PFDN2: variants seen among roughly 807,000 people sequenced by gnomAD.
The protein encoded by PFDN2 is prefoldin subunit 2, also known as prefoldin 2.
PFDN2 carries 7 observed loss-of-function variants against 18.3 expected under a neutral mutation model. The ratio of observed to expected loss-of-function variants is 0.38; its 90% CI spans 0.22 to 0.72. The LOEUF is 0.72. Ranked by LOEUF, PFDN2 falls within the 30% of genes least tolerant of loss-of-function variation. The pLI is 0.47. For missense variants in PFDN2, 181 were observed against 199.1 expected (o/e 0.91, Z 0.55); for synonymous variants, 76 against 75.0 (o/e 1.01, Z -0.07).
chr1:161,114,698 G>A (rs896767426), intron 1 of PFDN2, among the ~76,000 whole-genome samples: 5 of 152,174 alleles, frequency 3.3e-5, no homozygotes, highest in Non-Finnish European at 5.9e-5. Context: ...GGGAGGCCAA[G>A]ATGTAACTCA....
chr1:161,101,892 C>T (rs1255019189), intron 3 of PFDN2, among the ~76,000 whole-genome samples, 156 bp downstream of exon 3: 2 of 152,170 alleles, frequency 1.3e-5, no homozygotes, highest in African/African-American at 2.4e-5. Flanking sequence ...CCACCATACC[C>T]AGCTAATCTT....
At chr1:161,102,260 C>T in intron 2 of PFDN2, 27 bp downstream of exon 2, 2 of 1,612,556 alleles carry the variant, frequency 1.2e-6, no homozygotes, top group Admixed American at 1.7e-5. Flanking sequence ...AACTGTCCTA[C>T]TGTTTGCCTC....
In PFDN2 at chr1:161,103,656, G is replaced by A. The variant is rs1437298214; in HGVS notation, c.76-1281C>T. ...GCTGAGATCACGCTACCACACTACAGCCTGGCAACAGAGCAAGACTCCGTC... is the reference window on the plus strand; with the variant it reads ...GCTGAGATCACGCTACCACACTACAACCTGGCAACAGAGCAAGACTCCGTC... On this transcript the variant is annotated intron_variant, in intron 1 of 3. Transcript: ENST00000368010. Among the ~76,000 whole-genome samples the A allele has an allele frequency of 1.7e-5, 2 of 117,780 alleles. 1 individual carries two copies. The highest frequency in any genetic ancestry group is 6.8e-5 in the African/African-American group (2 of 29,256). The allele number at this position is 117,780 out of a possible 152,430, so 77.3% of individuals were successfully genotyped here. A position where few individuals can be genotyped will look rare whatever the true frequency, so the allele number is the denominator to read the frequency against.
At position 161,100,578 on chromosome 1, in the gene PFDN2, A is replaced by T; in HGVS notation, c.*105T>A. On this transcript the variant is annotated 3_prime_UTR_variant, in exon 4 of 4. Coordinates refer to ENST00000368010, the MANE Select transcript of PFDN2 (RefSeq NM_012394.4). ...AGCTAAGATTCTGACCAAAACATTT[A>T]ATTAACAAAAAAATATTACAATAGC... is the stretch of plus-strand genomic sequence containing the variant. The T allele has an allele frequency of 1.1e-6, 1 of 921,348 alleles. No homozygotes were observed. Among genetic ancestry groups the T allele is most frequent in the Non-Finnish European group, 1.6e-6 (1 of 628,940 alleles). The allele number at this position is 921,348 out of a possible 1,614,324, so 57.1% of individuals were successfully genotyped here.
At chr1:161,115,033 G>GA (rs930452418) in intron 1 of PFDN2, among the ~76,000 whole-genome samples, 25 of 152,150 alleles carry the variant, frequency 1.6e-4, no homozygotes, top group African/African-American at 5.8e-4. Flanking sequence ...AAAATAAATG[G>GA]AAAATTCCAG....
At chr1:161,112,816 A>T (rs1028191147) in intron 1 of PFDN2, among the ~76,000 whole-genome samples, 2 of 152,172 alleles carry the variant, frequency 1.3e-5, no homozygotes, top group Non-Finnish European at 2.9e-5. Context: ...TGACATAGAA[A>T]AATGTTCAAC....
intron 1 of PFDN2, among the ~76,000 whole-genome samples, chr1:161,104,105 G>C (rs1489547524): frequency 6.6e-6 from 1 of 152,176 alleles, no homozygotes; most frequent in Non-Finnish European, 1.5e-5. Flanking sequence ...GAGAACCACT[G>C]GATTAACCCC....
At position 161,101,952 on chromosome 1, in the gene PFDN2, C is replaced by T. The variant is rs938579657; in HGVS notation, c.288+96G>A. ...TTCACCATGTTGCCCAGGCTGGTCT[C>T]GAACTCCCGGACTCAAAGAGTCCAC... On this transcript the variant is annotated intron_variant, in intron 3 of 3. Transcript: ENST00000368010. 36 of 1,306,614 alleles carry T rather than the reference C, an allele frequency of 2.8e-5. No individual in the cohort carries two copies. The Admixed American group carries it at 2.9e-4, about 11-fold the overall frequency. The allele number at this position is 1,306,614 out of a possible 1,614,324, so 80.9% of individuals were successfully genotyped here. A position where few individuals can be genotyped will look rare whatever the true frequency, so the allele number is the denominator to read the frequency against.
chr1:161,105,271 ATTATTTTTAT>A (rs1216718018), intron 1 of PFDN2, among the ~76,000 whole-genome samples: 1 of 151,678 alleles, frequency 6.6e-6, no homozygotes, highest in Non-Finnish European at 1.5e-5. Context: ...CCACCACGCA[ATTATTTTTAT>A]TTATTTTTAT....
intron 1 of PFDN2, 54 bp downstream of exon 1, chr1:161,117,898 C>G: frequency 6.9e-7 from 1 of 1,452,054 alleles, no homozygotes; most frequent in Non-Finnish European, 9.5e-7. Flanking sequence ...TCCCCCTTCT[C>G]GCTAGTATTC....
intron 1 of PFDN2, 147 bp from the exon 2 acceptor site, chr1:161,102,522 C>T (rs1352897973): frequency 1.6e-6 from 1 of 619,774 alleles, no homozygotes; most frequent in Non-Finnish European, 2.8e-6. Context: ...CGATTTCTAC[C>T]TAAAATTTTT....
chr1:161,111,792 C>T (rs1654814723), intron 1 of PFDN2, among the ~76,000 whole-genome samples: 1 of 152,176 alleles, frequency 6.6e-6, no homozygotes, highest in Non-Finnish European at 1.5e-5. Flanking sequence ...ATTCATAGCA[C>T]TTCTTCATTA....
intron 1 of PFDN2, among the ~76,000 whole-genome samples, chr1:161,106,153 C>T (rs1340807218): frequency 6.6e-6 from 1 of 152,096 alleles, no homozygotes; most frequent in Admixed American, 6.6e-5. Context: ...CCTCTTTATT[C>T]CTCCTGCTCC....
At chr1:161,110,107 C>T (rs1262109994) in intron 1 of PFDN2, among the ~76,000 whole-genome samples, 1 of 149,740 alleles carries the variant, frequency 6.7e-6, no homozygotes, top group Non-Finnish European at 1.5e-5. Flanking sequence ...CTCCTGTAAT[C>T]CTATTACCTT....
chr1:161,100,992 A>C (rs1654544600), intron 3 of PFDN2, 133 bp from the exon 4 acceptor site: 2 of 615,364 alleles, frequency 3.3e-6, no homozygotes, highest in Non-Finnish European at 5.7e-6. Context: ...CAGACATTAA[A>C]ATTATTCCTT....
intron 1 of PFDN2, among the ~76,000 whole-genome samples, chr1:161,103,309 G>A (rs1193624086): frequency 6.6e-6 from 1 of 151,800 alleles, no homozygotes; most frequent in Non-Finnish European, 1.5e-5. Flanking sequence ...CCCAGTTCTT[G>A]AACTTTGTTC....
chr1:161,110,247 G>GCTA (rs1054921643), intron 1 of PFDN2, among the ~76,000 whole-genome samples: 2 of 151,628 alleles, frequency 1.3e-5, no homozygotes, highest in Non-Finnish European at 2.9e-5. Flanking sequence ...TGTAGTCCCA[G>GCTA]CTACTCGGGA....
intron 3 of PFDN2, among the ~76,000 whole-genome samples, chr1:161,101,575 A>C (rs953035371): frequency 6.6e-6 from 1 of 152,178 alleles, no homozygotes; most frequent in African/African-American, 2.4e-5. Flanking sequence ...TGCATTTATA[A>C]ATTAGTCCTT....
chr1:161,116,523 T>C (rs1190273321), intron 1 of PFDN2, among the ~76,000 whole-genome samples: 3 of 152,006 alleles, frequency 2.0e-5, no homozygotes, highest in Non-Finnish European at 4.4e-5. Flanking sequence ...AACAAAAAAG[T>C]ATTAAAAAGC....
Sources: gnomAD v4.1 joint callset for allele counts (sites outside exome capture counted in the v4.1 genomes callset) on GRCh38, gnomAD v4.1.1 for gene constraint, MANE v1.5 for transcripts, NCBI Gene and HGNC (gene_info 2026-07-23, HGNC 2026-07-21) for gene names.